The following KLHDC1 variants were observed in gnomAD, a reference collection of about 807,000 sequenced individuals.
KLHDC1 encodes the protein kelch domain-containing protein 1.
Under a neutral mutation model 68.3 loss-of-function variants are expected in KLHDC1, and 53 were observed. That is an observed-to-expected ratio of 0.78 (90% CI 0.62 to 0.98). KLHDC1 has a LOEUF of 0.98. KLHDC1 is among the 50% of genes least tolerant of loss of function. KLHDC1 has a pLI of 0.00. For synonymous variants in KLHDC1, 148 were observed against 159.0 expected, an observed-to-expected ratio of 0.93 and a Z score of 0.52; for missense variants, 470 against 492.3, an observed-to-expected ratio of 0.95 and a Z score of 0.43.
chr14:49,693,557 C>T (rs1347882186), intron 1 of KLHDC1, among the ~76,000 whole-genome samples: 1 of 151,806 alleles, frequency 6.6e-6, no homozygotes, highest in Admixed American at 6.6e-5. Context: ...AATTCAGTAA[C>T]CACGGTTTGC....
intron 1 of KLHDC1, among the ~76,000 whole-genome samples, chr14:49,701,081 CAAAAAAA>C (rs1176668641): frequency 3.7e-5 from 4 of 108,816 alleles, no homozygotes; most frequent in African/African-American, 1.1e-4. Context: ...GACTCCATCT[CAAAAAAA>C]AAAAGAAAAA....
intron 1 of KLHDC1, among the ~76,000 whole-genome samples, chr14:49,703,956 C>T (rs1887975954): frequency 1.3e-5 from 2 of 152,076 alleles, no homozygotes; most frequent in Non-Finnish European, 2.9e-5. Flanking sequence ...ATGTACATTC[C>T]CTAGGGAATC....
chr14:49,715,755 A>T (rs1566604537), intron 4 of KLHDC1, among the ~76,000 whole-genome samples: 11 of 127,226 alleles, frequency 8.6e-5, no homozygotes, highest in African/African-American at 3.0e-4. Context: ...AAAAAAAAAA[A>T]AAAAAAAAAA....
chr14:49,729,124 T>C, intron 7 of KLHDC1, 115 bp downstream of exon 7: 1 of 697,120 alleles, frequency 1.4e-6, no homozygotes. Flanking sequence ...AAAATGGCAT[T>C]CAATACTAAT....
chr14:49,743,803 C>T lies in KLHDC1; in HGVS notation c.1032C>T (p.Leu344=), dbSNP rs746588949. The part of the protein sequence containing the change: ...LIFQTQPYSL[L]RSCLDCIGKN... ...TTCAAACACAGCCTTATTCACTACT[C>T]AGGTAAGCAAATTTAATATTTTCTA... Residue 344 remains leucine, a splice_region_variant and synonymous_variant, in exon 12 of 13, where the codon CTC becomes CTT. Coordinates refer to ENST00000359332, the MANE Select transcript of KLHDC1 (RefSeq NM_172193.3). 4 of 1,533,938 alleles carry T rather than the reference C, an allele frequency of 2.6e-6. No homozygotes were observed. Among genetic ancestry groups the T allele is most frequent in the Non-Finnish European group, 3.6e-6 (4 of 1,113,308 alleles).
intron 1 of KLHDC1, among the ~76,000 whole-genome samples, chr14:49,695,637 TAAAG>T (rs1293333364): frequency 2.0e-5 from 3 of 152,210 alleles, no homozygotes; most frequent in African/African-American, 7.2e-5. Context: ...GGCTTCAACT[TAAAG>T]ACAGCTACTA....
chr14:49,709,260 T>C (rs748118210), intron 2 of KLHDC1, 31 bp downstream of exon 2: 2 of 888,418 alleles, frequency 2.3e-6, no homozygotes, highest in Non-Finnish European at 3.6e-6. Flanking sequence ...TACTGTCTGA[T>C]CTTAATATCT....
chr14:49,726,509 A>G (rs1168720408), intron 6 of KLHDC1, among the ~76,000 whole-genome samples: 3 of 152,322 alleles, frequency 2.0e-5, no homozygotes, highest in East Asian at 1.9e-4. Flanking sequence ...TTTACCCACA[A>G]GTGTCATGCC....
At chr14:49,720,202 T>C (rs981544602) in intron 4 of KLHDC1, among the ~76,000 whole-genome samples, 1 of 152,052 alleles carries the variant, frequency 6.6e-6, no homozygotes, top group African/African-American at 2.4e-5. Context: ...GTCGGGCTCA[T>C]CTCAAACTCC....
chr14:49,711,917 T>C (rs1185482269), intron 4 of KLHDC1, among the ~76,000 whole-genome samples: 8 of 121,976 alleles, frequency 6.6e-5, no homozygotes, highest in African/African-American at 2.7e-4. Flanking sequence ...TTTCTTTTTT[T>C]TTTTTTTTTT....
At chr14:49,715,739 CAAAAAAAAA>C (rs1168439082) in intron 4 of KLHDC1, among the ~76,000 whole-genome samples, 4 of 54,906 alleles carry the variant, frequency 7.3e-5, no homozygotes, top group Admixed American at 2.6e-4. Context: ...GACTCTGTCT[CAAAAAAAAA>C]AAAAAAAAAA....
intron 6 of KLHDC1, 139 bp from the exon 7 acceptor site, chr14:49,728,787 C>G: frequency 3.0e-6 from 2 of 665,302 alleles, no homozygotes; most frequent in Non-Finnish European, 2.7e-6. Context: ...TTAGAATAAA[C>G]TTTTGCATTA....
chr14:49,702,868 A>G (rs767878444), intron 1 of KLHDC1, among the ~76,000 whole-genome samples: 3 of 152,178 alleles, frequency 2.0e-5, no homozygotes, highest in Admixed American at 6.5e-5. Flanking sequence ...TTAGCCTGCA[A>G]TACAGTTTAG....
intron 1 of KLHDC1, among the ~76,000 whole-genome samples, chr14:49,694,203 T>C (rs1887666962): frequency 6.6e-6 from 1 of 152,176 alleles, no homozygotes; most frequent in South Asian, 2.1e-4. Flanking sequence ...AGCGTATGTG[T>C]GTGTTGTGTG....
intron 12 of KLHDC1, among the ~76,000 whole-genome samples, chr14:49,750,683 CAG>C (rs1412936849): frequency 3.9e-5 from 6 of 152,130 alleles, no homozygotes; most frequent in African/African-American, 1.2e-4. Flanking sequence ...TTAATTGAAA[CAG>C]ATGCTTTTTT....
At chr14:49,733,141 C>G (rs908374216) in intron 9 of KLHDC1, among the ~76,000 whole-genome samples, 1 of 152,102 alleles carries the variant, frequency 6.6e-6, no homozygotes, top group Non-Finnish European at 1.5e-5. Context: ...TTGCACTGTT[C>G]GCTTTTGCTG....
At chr14:49,726,543 T>C (rs1293283811) in intron 6 of KLHDC1, among the ~76,000 whole-genome samples, 1 of 152,228 alleles carries the variant, frequency 6.6e-6, no homozygotes, top group Non-Finnish European at 1.5e-5. Context: ...GGTCTATTTT[T>C]AAAAATCCTT....
intron 10 of KLHDC1, among the ~76,000 whole-genome samples, chr14:49,738,782 C>T (rs752484011): frequency 3.3e-5 from 5 of 152,246 alleles, no homozygotes; most frequent in Non-Finnish European, 5.9e-5. Context: ...AACAAGCACT[C>T]TCCAGAGTGG....
Position 49,723,910 on chromosome 14 carries a change from C to G in KLHDC1, c.441C>G (p.His147Gln). The change falls in exon 5 of 13, where the codon CAC becomes CAG. Residue 147 changes from histidine (H) to glutamine (Q), a missense_variant. By Grantham distance (24) the His-to-Gln change is conservative. Coordinates refer to ENST00000359332, the MANE Select transcript of KLHDC1 (RefSeq NM_172193.3). The stretch of plus-strand genomic sequence containing the variant: ...TTGGTGGTTATGGGTGTAGGAGACA[C>G]AGTGAACTCCAAGACTGTTTTGATG... ...IYFGGYGCRR[H>Q]SELQDCFDVH... The G allele has an allele frequency of 6.2e-7, 1 of 1,605,252 alleles. No homozygotes were observed. Among genetic ancestry groups the G allele is most frequent in the South Asian group, 1.1e-5 (1 of 90,152 alleles).
Sources: allele counts gnomAD v4.1 joint callset (sites outside exome capture counted in the v4.1 genomes callset), GRCh38; gene constraint gnomAD v4.1.1; transcripts MANE v1.5; gene names NCBI Gene and HGNC (gene_info 2026-07-23, HGNC 2026-07-21).